The following USP40 variants were observed in gnomAD, a reference collection of about 807,000 sequenced individuals.
USP40 encodes the protein ubiquitin specific peptidase 40, also known as ubiquitin carboxyl-terminal hydrolase 40.
Under a neutral mutation model 166.2 loss-of-function variants are expected in USP40, and 143 were observed. The observed-to-expected ratio is 0.86, with a 90% confidence interval of 0.75 to 0.99. The LOEUF is 0.99. Among genes scored for constraint, USP40 ranks in the 50% least tolerant of loss-of-function variants. The pLI is 0.00. For synonymous variants in USP40, 498 were observed against 524.0 expected, an observed-to-expected ratio of 0.95 and a Z score of 0.68; for missense variants, 1,444 against 1,479.7, an observed-to-expected ratio of 0.98 and a Z score of 0.40.
intron 24 of USP40, among the ~76,000 whole-genome samples, chr2:233,494,932 A>AATATAATG (rs2065603375): frequency 2.6e-5 from 1 of 37,826 alleles, no homozygotes; most frequent in Non-Finnish European, 4.7e-5. Flanking sequence ...ATATATATAT[A>AATATAATG]TATATATATA....
At chr2:233,509,892 C>T (rs2066683725) in intron 21 of USP40, among the ~76,000 whole-genome samples, 157 bp downstream of exon 21, 2 of 151,142 alleles carry the variant, frequency 1.3e-5, no homozygotes, top group South Asian at 4.2e-4. Flanking sequence ...TTTCAAGCTC[C>T]CAAAATAATT....
intron 23 of USP40, 126 bp downstream of exon 23, chr2:233,498,422 C>A: frequency 1.2e-6 from 1 of 803,950 alleles, no homozygotes; most frequent in South Asian, 2.0e-5. Context: ...AAAATAGACC[C>A]ATTCATAGAT....
chr2:233,549,092 T>A lies in USP40; in HGVS notation c.966+9A>T. On this transcript the variant is annotated intron_variant, in intron 8 of 31. Transcript: ENST00000678225. Reference sequence around the variant, plus strand: ...GCAAAGATATTTCTAAACGAATTTCTATACGTACTTGAAACTGCCAGTTTC... The same window carrying A: ...GCAAAGATATTTCTAAACGAATTTCAATACGTACTTGAAACTGCCAGTTTC... 2 of 1,587,558 alleles carry A rather than the reference T, an allele frequency of 1.3e-6. No homozygotes were observed. The highest frequency in any genetic ancestry group is 1.7e-6 in the Non-Finnish European group (2 of 1,169,562).
chr2:233,533,427 T>C lies in USP40; in HGVS notation c.1471+52A>G. The C allele has an allele frequency of 2.6e-6, 4 of 1,526,048 alleles. No homozygotes were observed. In the South Asian group the frequency reaches 5.2e-5, roughly 20 times the overall value. 94.5% of individuals were successfully genotyped at this position (1,526,048 alleles called of 1,614,324 possible). On this transcript the variant is annotated intron_variant, in intron 11 of 31. Transcript: ENST00000678225. ...AAAAATTCAAACAGCATTCCATGTT[T>C]ATCTTCTAAAGCCATTAACTGAAAC...
At position 233,516,556 on chromosome 2, in the gene USP40, C is replaced by T. The variant is rs777407462; in HGVS notation, c.2383+3058G>A. Among the ~76,000 whole-genome samples, 101 of 151,836 alleles carry T rather than the reference C, an allele frequency of 6.7e-4. 2 individuals are homozygous for T. The highest frequency in any genetic ancestry group is 1.8e-4 in the Non-Finnish European group (12 of 67,940). The stretch of plus-strand genomic sequence containing the variant: ...ACTAAAAATTAGCCGGGCCTGGTGG[C>T]GGGCACCTGTAGTCCCAGCTACTCG... On this transcript the variant is annotated intron_variant, in intron 18 of 31. Transcript: ENST00000678225.
intron 20 of USP40, among the ~76,000 whole-genome samples, chr2:233,510,790 T>C (rs1284559284): frequency 6.6e-6 from 1 of 152,190 alleles, no homozygotes; most frequent in Non-Finnish European, 1.5e-5. Flanking sequence ...ACAGTTAGCA[T>C]TAGTATGTTT....
intron 12 of USP40, among the ~76,000 whole-genome samples, chr2:233,528,273 C>T (rs940479528): frequency 6.6e-6 from 1 of 152,182 alleles, no homozygotes; most frequent in Non-Finnish European, 1.5e-5. Flanking sequence ...GCCACTGCGA[C>T]CGGCCCCATG....
intron 12 of USP40, among the ~76,000 whole-genome samples, chr2:233,528,059 A>G (rs7572310): frequency 0.79 from 119,221 of 150,654 alleles, 47,231 homozygotes; most frequent in East Asian, 0.87. Flanking sequence ...GCTCACTACA[A>G]CCTCTACCTC....
At chr2:233,541,268 C>G (rs1245717949) in intron 9 of USP40, among the ~76,000 whole-genome samples, 2 of 152,062 alleles carry the variant, frequency 1.3e-5, no homozygotes, top group African/African-American at 4.8e-5. Context: ...AGAATGTGAC[C>G]ACATTTGGAG....
chr2:233,496,709 A>ATCTCT lies in USP40; in HGVS notation c.2790+48_2790+49insAGAGA. On this transcript the variant is annotated intron_variant, in intron 24 of 31. Transcript: ENST00000678225. ...ATGAGGCTGTATCATCTCTGTAATCAGATAACAATTATTACTTAAGAGTTG... is the reference window on the plus strand; with the variant it reads ...ATGAGGCTGTATCATCTCTGTAATCATCTCTGATAACAATTATTACTTAAGAGTTG... 5 of 1,495,986 alleles carry ATCTCT rather than the reference A, an allele frequency of 3.3e-6. No homozygotes were observed. The Middle Eastern group carries it at 7.7e-4, about 229-fold the overall frequency. 92.7% of individuals were successfully genotyped at this position (1,495,986 alleles called of 1,614,324 possible).
At chr2:233,487,228 G>A (rs2065003560) in intron 28 of USP40, among the ~76,000 whole-genome samples, 1 of 152,186 alleles carries the variant, frequency 6.6e-6, no homozygotes, top group East Asian at 1.9e-4. Context: ...AATACAGTTT[G>A]CAAAAATGCC....
intron 15 of USP40, 25 bp downstream of exon 15, chr2:233,524,467 A>T: frequency 6.3e-7 from 1 of 1,590,058 alleles, no homozygotes; most frequent in South Asian, 1.1e-5. Flanking sequence ...ATTATCACGA[A>T]TATTTCTTCA....
At chr2:233,540,216 A>C (rs1426175460) in intron 10 of USP40, among the ~76,000 whole-genome samples, 1 of 152,092 alleles carries the variant, frequency 6.6e-6, no homozygotes, top group Non-Finnish European at 1.5e-5. Flanking sequence ...AAAAATTATT[A>C]ATATCAGAAA....
At chr2:233,506,504 G>A (rs1054134291) in intron 21 of USP40, among the ~76,000 whole-genome samples, 6 of 152,070 alleles carry the variant, frequency 3.9e-5, no homozygotes, top group Admixed American at 6.6e-5. Context: ...ATAGACAAAT[G>A]GGATTATAGC....
At position 233,523,157 on chromosome 2, in the gene USP40, G is replaced by T. The variant is rs1246919505; in HGVS notation, c.2201+13C>A. 4 of 1,588,224 alleles carry T rather than the reference G, an allele frequency of 2.5e-6. No individual in the cohort carries two copies. The highest frequency in any genetic ancestry group is 3.5e-5 in the Admixed American group (2 of 56,684). On this transcript the variant is annotated intron_variant, in intron 16 of 31. Transcript: ENST00000678225. ...GACTTTTAGAAATCCTTTTTCTCTTGTTAGCGAGTTACCTGTTATCATCAT... is the reference window on the plus strand; with the variant it reads ...GACTTTTAGAAATCCTTTTTCTCTTTTTAGCGAGTTACCTGTTATCATCAT...
At chr2:233,502,625 C>G (rs1017100709) in intron 21 of USP40, among the ~76,000 whole-genome samples, 4 of 152,116 alleles carry the variant, frequency 2.6e-5, no homozygotes, top group Non-Finnish European at 5.9e-5. Context: ...TCCCCCTCCC[C>G]AGAGAGACCA....
intron 21 of USP40, among the ~76,000 whole-genome samples, chr2:233,503,212 AC>A (rs1174060018): frequency 2.0e-5 from 3 of 152,338 alleles, no homozygotes; most frequent in Middle Eastern, 6.8e-3. Context: ...TTTTGAAATA[AC>A]CCAGTCAGAA....
In USP40 at chr2:233,491,897, T is replaced by A. The variant is rs80331765; in HGVS notation, c.2918-636A>T. 5.6e-3 allele frequency among the ~76,000 whole-genome samples: 855 copies of A among 152,340 alleles called. 10 individuals carry two copies. The highest frequency in any genetic ancestry group is 0.019 in the African/African-American group (793 of 41,578). On this transcript the variant is annotated intron_variant, in intron 25 of 31. Transcript: ENST00000678225. ...CTAAATTTAGACTGTCTTCACTTATTTTTGCCTTAACTGTCTTTACTGCTG... is the reference window on the plus strand; with the variant it reads ...CTAAATTTAGACTGTCTTCACTTATATTTGCCTTAACTGTCTTTACTGCTG...
At chr2:233,494,237 G>A (rs1480768401) in intron 24 of USP40, among the ~76,000 whole-genome samples, 1 of 151,814 alleles carries the variant, frequency 6.6e-6, no homozygotes, top group African/African-American at 2.4e-5. Context: ...ACCTTCATTC[G>A]ATTAAATAAA....
Sources: gnomAD v4.1 joint callset for allele counts (sites outside exome capture counted in the v4.1 genomes callset) on GRCh38, gnomAD v4.1.1 for gene constraint, MANE v1.5 for transcripts, NCBI Gene and HGNC (gene_info 2026-07-23, HGNC 2026-07-21) for gene names.